The following AFP variants were observed in gnomAD, a reference collection of about 807,000 sequenced individuals.
AFP encodes the protein alpha fetoprotein, also known as alpha-fetoprotein.
In AFP, 64 loss-of-function variants were observed where a neutral mutation model predicts 78.9. The ratio of observed to expected loss-of-function variants is 0.81; its 90% CI spans 0.66 to 1.00. The LOEUF (loss-of-function observed/expected upper bound fraction) is 1.00, where lower values mean the gene tolerates loss of function less well. Ranked by LOEUF, AFP falls within the 50% of genes least tolerant of loss-of-function variation. AFP has a pLI of 0.00. For missense variants in AFP, 689 were observed against 703.8 expected (o/e 0.98, Z 0.24); for synonymous variants, 254 against 243.8 (o/e 1.04, Z -0.39).
chr4:73,447,436 CTT>C (rs1719862812), intron 7 of AFP, 24 bp from the exon 8 acceptor site: 1 of 1,518,830 alleles, frequency 6.6e-7, no homozygotes, highest in Non-Finnish European at 9.0e-7. Flanking sequence ...ATCTTTAAAA[CTT>C]ATACTTTATT....
chr4:73,450,209 T>G, intron 10 of AFP, 76 bp downstream of exon 10: 1 of 1,208,670 alleles, frequency 8.3e-7, no homozygotes, highest in South Asian at 1.3e-5. Flanking sequence ...TCTCCTCCTT[T>G]GGAAGCAACA....
chr4:73,441,951 A>T (rs995978354), intron 4 of AFP, among the ~76,000 whole-genome samples: 1 of 152,230 alleles, frequency 6.6e-6, no homozygotes, highest in Non-Finnish European at 1.5e-5. Context: ...TGCACTTAGC[A>T]GAAGTCTGGC....
chr4:73,445,840 A>C (rs1719807176), intron 7 of AFP, among the ~76,000 whole-genome samples: 1 of 152,184 alleles, frequency 6.6e-6, no homozygotes, highest in Non-Finnish European at 1.5e-5. Context: ...TGGTTTAAGC[A>C]GTGTGGCATT....
intron 8 of AFP, among the ~76,000 whole-genome samples, chr4:73,448,966 A>G (rs1209977582): frequency 2.0e-5 from 3 of 152,086 alleles, no homozygotes; most frequent in Non-Finnish European, 4.4e-5. Flanking sequence ...CCTCCCTATA[A>G]TGTGTGCTTT....
At position 73,442,579 on chromosome 4, in the gene AFP, C is replaced by A. The variant is rs192183183; in HGVS notation, c.615+151C>A. The A allele has an allele frequency of 1.3e-3, 1,185 of 902,200 alleles. 6 individuals are homozygous for A. Among genetic ancestry groups the A allele is most frequent in the African/African-American group, 6.4e-3 (384 of 59,792 alleles). The allele number at this position is 902,200 out of a possible 1,614,324, so 55.9% of individuals were successfully genotyped here. Reference sequence around the variant, plus strand: ...AGCAGTCTGATATTCTTCGAGTGAACAAAACTGGATTTGCTGGTTTTTATT... The same window carrying A: ...AGCAGTCTGATATTCTTCGAGTGAAAAAAACTGGATTTGCTGGTTTTTATT... On this transcript the variant is annotated intron_variant, in intron 5 of 14. Transcript: ENST00000395792.
intron 8 of AFP, among the ~76,000 whole-genome samples, chr4:73,449,050 C>A (rs1437217743): frequency 6.6e-6 from 1 of 151,998 alleles, no homozygotes; most frequent in Non-Finnish European, 1.5e-5. Flanking sequence ...AGAGTGGACA[C>A]TGGAAAAATA....
intron 2 of AFP, among the ~76,000 whole-genome samples, chr4:73,437,483 G>A (rs4640638): frequency 0.23 from 35,405 of 151,864 alleles, 4,366 homozygotes; most frequent in Admixed American, 0.34. Flanking sequence ...ATCAGTGACA[G>A]CCATATACTA....
Position 73,438,258 on chromosome 4 carries a change from T to G in AFP, c.222T>G (p.Ile74Met). The change falls in exon 3 of 15, where the codon ATT (isoleucine) becomes ATG (methionine). Residue 74 changes from isoleucine (I) to methionine (M), a missense_variant. Transcript: ENST00000395792. ...TGGTGAAAGATGCATTGACTGCAAT[T>G]GAGAAACCCACTGGAGATGAACAGT... ...SKMVKDALTA[I>M]EKPTGDEQSS... is the part of the protein sequence containing the mutation. 2 of 1,613,412 alleles carry G rather than the reference T, an allele frequency of 1.2e-6. No individual in the cohort carries two copies. The highest frequency in any genetic ancestry group is 1.7e-6 in the Non-Finnish European group (2 of 1,179,526).
At chr4:73,445,228 A>G in intron 7 of AFP, 106 bp downstream of exon 7, 1 of 1,372,978 alleles carries the variant, frequency 7.3e-7, no homozygotes, top group Non-Finnish European at 1.0e-6. Flanking sequence ...GTTACAGAGT[A>G]TGTAAACTAG....
intron 4 of AFP, among the ~76,000 whole-genome samples, chr4:73,441,362 C>G (rs527274362): frequency 8.6e-4 from 131 of 151,548 alleles, no homozygotes; most frequent in African/African-American, 2.9e-3. Context: ...GTCAGGAGAT[C>G]GAGACCATCC....
intron 4 of AFP, 26 bp downstream of exon 4, chr4:73,440,839 G>T (rs1269931296): frequency 1.3e-6 from 2 of 1,597,244 alleles, no homozygotes; most frequent in African/African-American, 1.3e-5. Flanking sequence ...AAAGGTAGAT[G>T]CAAACCTCAG....
chr4:73,445,134 T>C lies in AFP; in HGVS notation c.843+12T>C. 6.2e-7 allele frequency: 1 copy of C among 1,613,512 alleles called. No homozygotes were observed. Among genetic ancestry groups the C allele is most frequent in the Non-Finnish European group, 8.5e-7 (1 of 1,179,586 alleles). ...GTCTGCAGGATGGGGTGAAGAGTCT[T>C]GCTTCTTAAAATAGAAGATTTTCAC... On this transcript the variant is annotated intron_variant, in intron 7 of 14. Coordinates refer to ENST00000395792, the MANE Select transcript of AFP (RefSeq NM_001134.3).
In AFP at chr4:73,442,426, A is replaced by G. The variant is rs1577953450; in HGVS notation, c.613A>G (p.Lys205Glu). 1 of 1,614,072 alleles carries G rather than the reference A, an allele frequency of 6.2e-7. No individual in the cohort carries two copies. The highest frequency in any genetic ancestry group is 8.5e-7 in the Non-Finnish European group (1 of 1,179,960). Reference sequence around the variant, plus strand: ...AAATGCAGTTGAATGCTTCCAAACAAAGGTATCATATTTGCGTGGATATCT... The same window carrying G: ...AAATGCAGTTGAATGCTTCCAAACAGAGGTATCATATTTGCGTGGATATCT... ...AENAVECFQT[K>E]AATVTKELRE... Residue 205 changes from lysine (K) to glutamate (E), a missense_variant and splice_region_variant, in exon 5 of 15, where the codon AAG (lysine) becomes GAG (glutamate). Coordinates refer to ENST00000395792, the MANE Select transcript of AFP (RefSeq NM_001134.3).
At chr4:73,447,784 T>C in intron 8 of AFP, 108 bp downstream of exon 8, 2 of 921,176 alleles carry the variant, frequency 2.2e-6, no homozygotes. Flanking sequence ...GAGTTCAATA[T>C]GTGAGGATAT....
chr4:73,445,268 T>C, intron 7 of AFP, 146 bp downstream of exon 7: 1 of 953,586 alleles, frequency 1.0e-6, no homozygotes, highest in South Asian at 1.5e-5. Flanking sequence ...GAATTCTCGG[T>C]AGTAAAACTT....
intron 1 of AFP, among the ~76,000 whole-genome samples, 169 bp from the exon 2 acceptor site, chr4:73,436,991 A>T (rs1719528113): frequency 6.6e-6 from 1 of 151,962 alleles, no homozygotes; most frequent in African/African-American, 2.4e-5. Context: ...TTAGTTTCCT[A>T]GTTTTCTTTT....
At position 73,437,202 on chromosome 4, in the gene AFP, T is replaced by C; in HGVS notation, c.128T>C (p.Leu43Ser). The C allele has an allele frequency of 6.2e-7, 1 of 1,609,930 alleles. No individual in the cohort carries two copies. Among genetic ancestry groups the C allele is most frequent in the Non-Finnish European group, 8.5e-7 (1 of 1,176,694 alleles). Reference protein sequence around the residue: ...DSYQCTAEISLADLATIFFAQ... With the variant: ...DSYQCTAEISSADLATIFFAQ... ...TACCAATGTACTGCAGAGATAAGTT[T>C]AGCTGACCTGTAAGTTTTGCTTATA... Residue 43 changes from leucine (L) to serine (S), a missense_variant, in exon 2 of 15, where the codon TTA becomes TCA. By Grantham distance (145) the Leu-to-Ser change is moderately radical (BLOSUM62 -2). Transcript: ENST00000395792.
At chr4:73,453,072 T>C (rs973679566) in intron 12 of AFP, among the ~76,000 whole-genome samples, 1 of 152,218 alleles carries the variant, frequency 6.6e-6, no homozygotes, top group African/African-American at 2.4e-5. Context: ...AAATGACATG[T>C]ACATTTCAGT....
At chr4:73,449,104 A>G (rs1222106123) in intron 8 of AFP, among the ~76,000 whole-genome samples, 1 of 152,180 alleles carries the variant, frequency 6.6e-6, no homozygotes. Context: ...GAAAAGTCAA[A>G]TTGAGAGATG....
Sources: gnomAD v4.1 joint callset for allele counts (sites outside exome capture counted in the v4.1 genomes callset) on GRCh38, gnomAD v4.1.1 for gene constraint, MANE v1.5 for transcripts, NCBI Gene and HGNC (gene_info 2026-07-23, HGNC 2026-07-21) for gene names.